FAM83B: variants seen among roughly 807,000 people sequenced by gnomAD.
FAM83B encodes the protein protein FAM83B.
FAM83B carries 26 observed loss-of-function variants against 38.8 expected under a neutral mutation model. The ratio of observed to expected loss-of-function variants is 0.67; its 90% CI spans 0.49 to 0.93. The LOEUF is 0.93. FAM83B is among the 40% of genes least tolerant of loss of function. The pLI is 0.00. For missense variants in FAM83B, 1,237 were observed against 1,197.3 expected, an observed-to-expected ratio of 1.03 and a Z score of -0.49; for synonymous variants, 419 against 423.1, an observed-to-expected ratio of 0.99 and a Z score of 0.12.
chr6:54,941,961 G>A lies in FAM83B; in HGVS notation c.2990G>A (p.Arg997Gln), dbSNP rs146473058. The A allele has an allele frequency of 9.3e-6, 15 of 1,607,766 alleles. 1 individual carries two copies. Among genetic ancestry groups the A allele is most frequent in the African/African-American group, 1.3e-5 (1 of 74,634 alleles). The stretch of plus-strand genomic sequence containing the variant: ...TATCAACCCAATGAGAACAAGTTTC[G>A]AGGATTTATGCAAAAGTTTGGAAAC... ...RSYQPNENKF[R>Q]GFMQKFGNFI... The change falls in exon 5 of 5, where the codon CGA becomes CAA. Residue 997 changes from arginine to glutamine, a missense_variant. Transcript: ENST00000306858.
At chr6:54,899,640 C>A (rs988818190) in intron 2 of FAM83B, among the ~76,000 whole-genome samples, 1 of 152,082 alleles carries the variant, frequency 6.6e-6, no homozygotes, top group Non-Finnish European at 1.5e-5. Flanking sequence ...TGTTGCTATG[C>A]CTTCAGATGA....
intron 2 of FAM83B, among the ~76,000 whole-genome samples, chr6:54,873,539 T>C (rs1177166523): frequency 1.3e-5 from 2 of 152,260 alleles, no homozygotes; most frequent in East Asian, 3.9e-4. Context: ...AATGGGAGCC[T>C]AATAGTCATC....
intron 1 of FAM83B, among the ~76,000 whole-genome samples, chr6:54,850,750 G>A (rs915072547): frequency 2.0e-5 from 3 of 152,154 alleles, no homozygotes; most frequent in African/African-American, 7.2e-5. Context: ...GCTGGAAATA[G>A]TGGCTCACAC....
At chr6:54,920,091 T>C (rs1773137249) in intron 2 of FAM83B, among the ~76,000 whole-genome samples, 1 of 151,934 alleles carries the variant, frequency 6.6e-6, no homozygotes, top group African/African-American at 2.4e-5. Context: ...ATATTATATA[T>C]AAATTTCATG....
chr6:54,938,658 T>C (rs1561931532), intron 4 of FAM83B, among the ~76,000 whole-genome samples: 1 of 152,208 alleles, frequency 6.6e-6, no homozygotes, highest in Non-Finnish European at 1.5e-5. Flanking sequence ...GTTGGTCATT[T>C]GTATATTTTC....
At chr6:54,853,598 G>C (rs1041264885) in intron 1 of FAM83B, among the ~76,000 whole-genome samples, 1 of 152,092 alleles carries the variant, frequency 6.6e-6, no homozygotes, top group Non-Finnish European at 1.5e-5. Context: ...TTTACAGCAA[G>C]GTCTACTGAC....
chr6:54,863,567 T>G (rs1262241065), intron 1 of FAM83B, among the ~76,000 whole-genome samples: 1 of 140,580 alleles, frequency 7.1e-6, no homozygotes, highest in African/African-American at 3.3e-5. Context: ...CTTCTCCACT[T>G]CATATAATTG....
chr6:54,925,206 C>T (rs577655183), intron 2 of FAM83B, among the ~76,000 whole-genome samples: 2 of 152,224 alleles, frequency 1.3e-5, no homozygotes, highest in East Asian at 1.9e-4. Context: ...AGACCTTCCC[C>T]GAAACCCCCA....
chr6:54,929,447 G>A (rs952749439), intron 4 of FAM83B, among the ~76,000 whole-genome samples: 1 of 152,152 alleles, frequency 6.6e-6, no homozygotes, highest in African/African-American at 2.4e-5. Context: ...TTGTGTGACA[G>A]CTCACTCACA....
chr6:54,920,336 G>GT (rs1454857723), intron 2 of FAM83B, among the ~76,000 whole-genome samples: 2 of 151,440 alleles, frequency 1.3e-5, no homozygotes, highest in East Asian at 1.9e-4. Context: ...CCATTAATCT[G>GT]TTTTTTCAAA....
Position 54,941,774 on chromosome 6 carries a change from A to G in FAM83B, c.2803A>G (p.Ser935Gly), listed in dbSNP as rs1367026102. The change falls in exon 5 of 5, where the codon AGT becomes GGT. Residue 935 changes from serine to glycine, a missense_variant. Coordinates refer to ENST00000306858, the MANE Select transcript of FAM83B (RefSeq NM_001010872.3). ...TCATTCAACTGATCGGCGTGTTTAC[A>G]GTCGTTTTGAGCCGTTTTGTAAGAT... is the stretch of plus-strand genomic sequence containing the variant. ...RSHSTDRRVY[S>G]RFEPFCKIES... is the part of the protein sequence containing the mutation. The G allele has an allele frequency of 4.3e-6, 7 of 1,614,106 alleles. No individual in the cohort carries two copies. The highest frequency in any genetic ancestry group is 5.9e-6 in the Non-Finnish European group (7 of 1,180,004).
intron 1 of FAM83B, among the ~76,000 whole-genome samples, chr6:54,863,840 A>T (rs1771641575): frequency 1.3e-5 from 2 of 152,162 alleles, no homozygotes; most frequent in African/African-American, 4.8e-5. Context: ...ATTTCTGCAG[A>T]TTATATTAAT....
intron 2 of FAM83B, among the ~76,000 whole-genome samples, chr6:54,900,191 A>G (rs1772629191): frequency 6.6e-6 from 1 of 152,200 alleles, no homozygotes; most frequent in African/African-American, 2.4e-5. Context: ...GTATTTTCAT[A>G]TAAATGCAAG....
In FAM83B at chr6:54,918,145, TG is replaced by T. The variant is rs570860555; in HGVS notation, c.445-8225del. 2.2e-3 allele frequency among the ~76,000 whole-genome samples: 332 copies of T among 152,318 alleles called. 2 individuals carry two copies. The highest frequency in any genetic ancestry group is 7.6e-3 in the African/African-American group (317 of 41,566). On this transcript the variant is annotated intron_variant, in intron 2 of 4. Coordinates refer to ENST00000306858, the MANE Select transcript of FAM83B (RefSeq NM_001010872.3). ...TCCTAATGAAGTGATTCTATGGTAA[TG>T]AAGTATTAGAATACTATAACATACA...
At chr6:54,861,529 G>A (rs12192659) in intron 1 of FAM83B, among the ~76,000 whole-genome samples, 48,992 of 152,094 alleles carry the variant, frequency 0.32, 10,114 homozygotes, top group Non-Finnish European at 0.46. Context: ...TGCTGACAGA[G>A]GAAGACCCCA....
At chr6:54,878,319 C>G (rs943248129) in intron 2 of FAM83B, among the ~76,000 whole-genome samples, 1 of 151,960 alleles carries the variant, frequency 6.6e-6, no homozygotes, top group Non-Finnish European at 1.5e-5. Flanking sequence ...CCAAAGAAAC[C>G]CTGCGTACCC....
chr6:54,881,075 G>A (rs1004022142), intron 2 of FAM83B, among the ~76,000 whole-genome samples: 2 of 152,128 alleles, frequency 1.3e-5, no homozygotes, highest in Admixed American at 1.3e-4. Context: ...TTCTTGTACT[G>A]AAATGCAATG....
chr6:54,851,107 G>A (rs1252140934), intron 1 of FAM83B, among the ~76,000 whole-genome samples: 1 of 150,204 alleles, frequency 6.7e-6, no homozygotes, highest in Non-Finnish European at 1.5e-5. Flanking sequence ...TAGCTAAGTT[G>A]TTTTTAGAGT....
chr6:54,859,434 A>G (rs2127572878), intron 1 of FAM83B, among the ~76,000 whole-genome samples: 1 of 152,282 alleles, frequency 6.6e-6, no homozygotes, highest in East Asian at 1.9e-4. Context: ...TCACTCTGTT[A>G]CCTTCAGTTA....
Sources: allele counts gnomAD v4.1 joint callset (sites outside exome capture counted in the v4.1 genomes callset), GRCh38; gene constraint gnomAD v4.1.1; transcripts MANE v1.5; gene names NCBI Gene and HGNC (gene_info 2026-07-23, HGNC 2026-07-21).